Variants in ZNF710 observed in about 807,000 individuals in gnomAD.
The protein encoded by ZNF710 is zinc finger protein 710.
A neutral mutation model predicts 50.6 loss-of-function variants in ZNF710; 13 were observed. The ratio of observed to expected loss-of-function variants is 0.26; its 90% CI spans 0.17 to 0.41. The LOEUF (loss-of-function observed/expected upper bound fraction) is 0.41, where lower values mean the gene tolerates loss of function less well. Ranked by LOEUF, ZNF710 falls within the 10% of genes least tolerant of loss-of-function variation. The pLI, the probability that ZNF710 is intolerant of heterozygous loss-of-function variation, is 1.00. For missense variants in ZNF710, 721 were observed against 936.6 expected, an observed-to-expected ratio of 0.77 and a Z score of 3.01; for synonymous variants, 383 against 397.0, an observed-to-expected ratio of 0.96 and a Z score of 0.42.
intron 1 of ZNF710, among the ~76,000 whole-genome samples, chr15:90,018,371 G>A (rs920635661): frequency 3.9e-5 from 6 of 152,018 alleles, no homozygotes; most frequent in African/African-American, 1.4e-4. Flanking sequence ...GTTTCACCAT[G>A]TTGGCAGGCT....
rs76693946 is a variant in ZNF710 at position 90,074,275 on chromosome 15, G to A, written c.1810G>A (p.Gly604Ser). 3.1e-5 allele frequency: 50 copies of A among 1,613,426 alleles called. No homozygotes were observed. The East Asian group carries it at 4.7e-4, about 15-fold the overall frequency. ...GGTCAAGCATGGCGTCATGGACATCGGCCTGGACAGCCAAGGTGGGTGGGC... is the reference window on the plus strand; with the variant it reads ...GGTCAAGCATGGCGTCATGGACATCAGCCTGGACAGCCAAGGTGGGTGGGC... ...MKVKHGVMDI[G>S]LDSQDPMMEL... Residue 604 changes from glycine (G) to serine (S), a missense_variant, in exon 4 of 5, where the codon GGC becomes AGC. By Grantham distance (56) the Gly-to-Ser change is moderately conservative. Coordinates refer to ENST00000268154, the MANE Select transcript of ZNF710 (RefSeq NM_198526.4).
rs761879137 is a variant in ZNF710 at position 90,067,796 on chromosome 15, C to T, written c.659C>T (p.Pro220Leu). Reference sequence around the variant, plus strand: ...TTGCCCACAGAGTGTGGGTTCGAGCCACCCCACCTGGCCCCCCTGAGTGAC... The same window carrying T: ...TTGCCCACAGAGTGTGGGTTCGAGCTACCCCACCTGGCCCCCCTGAGTGAC... Reference protein sequence around the residue: ...EALPTECGFEPPHLAPLSDPE... With the variant: ...EALPTECGFELPHLAPLSDPE... The change falls in exon 2 of 5, where the codon CCA (proline) becomes CTA (leucine). Residue 220 changes from proline (P) to leucine (L), a missense_variant. Physicochemically the swap from Pro to Leu is moderately conservative, Grantham distance 98 (BLOSUM62 -3). This residue lies in a region of ZNF710 where 326 missense variants were observed against 347.1 expected (regional missense o/e 0.94). Transcript: ENST00000268154. The surrounding 1 kb of genome is among the most constrained non-coding windows in gnomAD (Gnocchi z 8.1). The T allele has an allele frequency of 2.5e-6, 4 of 1,581,796 alleles. No individual in the cohort carries two copies. Among genetic ancestry groups the T allele is most frequent in the Non-Finnish European group, 2.6e-6 (3 of 1,164,554 alleles).
upstream of ZNF710, among the ~76,000 whole-genome samples, chr15:89,999,783 A>C (rs1897973187): frequency 6.6e-6 from 1 of 151,380 alleles, no homozygotes; most frequent in Non-Finnish European, 1.5e-5. Context: ...ACTGGGGGAG[A>C]GACAATGGGG....
At chr15:90,003,161 G>A (rs1898057589) in intron 1 of ZNF710, among the ~76,000 whole-genome samples, 1 of 152,158 alleles carries the variant, frequency 6.6e-6, no homozygotes, top group South Asian at 2.1e-4. Flanking sequence ...AGGACTCTTC[G>A]AGGTACTCGT....
chr15:90,072,715 T>G (rs1312117448), intron 2 of ZNF710, among the ~76,000 whole-genome samples: 2 of 152,142 alleles, frequency 1.3e-5, no homozygotes, highest in African/African-American at 4.8e-5. Flanking sequence ...AGGTGCCCGG[T>G]AAATGGTTGT....
At chr15:90,043,127 C>A (rs114826671) in intron 1 of ZNF710, among the ~76,000 whole-genome samples, 3,251 of 152,376 alleles carry the variant, frequency 0.021, 128 homozygotes, top group African/African-American at 0.074. Flanking sequence ...GGGGACCGAG[C>A]ACCTCCTGTG....
intron 1 of ZNF710, among the ~76,000 whole-genome samples, chr15:90,049,954 C>T (rs967438467): frequency 6.6e-6 from 1 of 152,254 alleles, no homozygotes; most frequent in Non-Finnish European, 1.5e-5. Flanking sequence ...GGTCCTACCC[C>T]TCAGCTCACT....
chr15:90,046,259 C>T (rs953083149), intron 1 of ZNF710, among the ~76,000 whole-genome samples: 1 of 152,230 alleles, frequency 6.6e-6, no homozygotes, highest in Admixed American at 6.5e-5. Context: ...GCCCTTCCTC[C>T]TGCGTACCCA....
chr15:90,030,572 C>T (rs977317480), intron 1 of ZNF710, among the ~76,000 whole-genome samples: 12 of 151,982 alleles, frequency 7.9e-5, no homozygotes, highest in African/African-American at 9.7e-5. Flanking sequence ...TGAACATGTG[C>T]GCACAGAGTG....
chr15:90,074,406 G>A (rs900729480), intron 4 of ZNF710, 116 bp downstream of exon 4: 2 of 1,558,682 alleles, frequency 1.3e-6, no homozygotes, highest in South Asian at 1.2e-5. Flanking sequence ...CTTCGTTGGG[G>A]TGGGCTCAGG....
At chr15:90,066,317 C>T (rs1385867427) in intron 1 of ZNF710, among the ~76,000 whole-genome samples, 1 of 152,132 alleles carries the variant, frequency 6.6e-6, no homozygotes. Flanking sequence ...GTCCCAAGGT[C>T]TGTGCAAATT....
chr15:90,023,018 A>G (rs746954602), intron 1 of ZNF710, among the ~76,000 whole-genome samples: 6 of 152,238 alleles, frequency 3.9e-5, no homozygotes, highest in Non-Finnish European at 7.3e-5. Context: ...AGTAGCTGCT[A>G]TAGGCCGGAC....
chr15:90,078,795 G>A (rs1013802581), intron 4 of ZNF710, among the ~76,000 whole-genome samples: 1 of 152,180 alleles, frequency 6.6e-6, no homozygotes, highest in African/African-American at 2.4e-5. Context: ...CCCCAGCCTG[G>A]GGTCTGTTTC....
intron 1 of ZNF710, among the ~76,000 whole-genome samples, chr15:90,028,457 A>G (rs1898840983): frequency 6.6e-6 from 1 of 152,222 alleles, no homozygotes; most frequent in African/African-American, 2.4e-5. Flanking sequence ...ATGTAAGAGA[A>G]AAGAAAACAT....
chr15:90,011,105 A>G (rs1309098367), intron 1 of ZNF710, among the ~76,000 whole-genome samples: 1 of 151,128 alleles, frequency 6.6e-6, no homozygotes, highest in Non-Finnish European at 1.5e-5. Flanking sequence ...TAATCTTTGT[A>G]TTTTAGTAGA....
intron 4 of ZNF710, 96 bp from the exon 5 acceptor site, chr15:90,079,564 G>A (rs182496417): frequency 6.5e-4 from 960 of 1,473,156 alleles, no homozygotes; most frequent in Non-Finnish European, 8.4e-4. Context: ...TGACTGGGAA[G>A]CCCTCTCTTT....
intron 1 of ZNF710, among the ~76,000 whole-genome samples, chr15:90,008,442 ATATATATATATG>A (rs2151460648): frequency 7.3e-6 from 1 of 137,868 alleles, no homozygotes; most frequent in African/African-American, 3.1e-5. Flanking sequence ...ATATATATAC[ATATATATATATG>A]TATATATATA....
At chr15:90,000,603 G>A (rs1305552661), upstream of ZNF710, among the ~76,000 whole-genome samples, 2 of 152,214 alleles carry the variant, frequency 1.3e-5, no homozygotes, top group African/African-American at 4.8e-5. Flanking sequence ...GAGTCAGGCC[G>A]TCCAGGGCTC....
At chr15:90,006,300 C>G (rs996430641) in intron 1 of ZNF710, among the ~76,000 whole-genome samples, 10 of 152,120 alleles carry the variant, frequency 6.6e-5, no homozygotes, top group African/African-American at 2.4e-4. Flanking sequence ...ATATTTGAAA[C>G]TAGTGGGAAT....
Sources: gnomAD v4.1 joint callset for allele counts (sites outside exome capture counted in the v4.1 genomes callset) on GRCh38, gnomAD v4.1.1 for gene constraint, gnomAD v4.1.1 regional missense constraint, Gnocchi (gnomAD v3.1) non-coding constraint, MANE v1.5 for transcripts, NCBI Gene and HGNC (gene_info 2026-07-23, HGNC 2026-07-21) for gene names.